CLSTN3: variants seen among roughly 807,000 people sequenced by gnomAD.
The protein encoded by CLSTN3 is calsyntenin-3.
In CLSTN3, 36 loss-of-function variants were observed where a neutral mutation model predicts 95.9. The ratio of observed to expected loss-of-function variants is 0.38; its 90% confidence interval spans 0.29 to 0.50. The LOEUF is 0.50. Among genes scored for constraint, CLSTN3 ranks in the 20% least tolerant of loss-of-function variants. CLSTN3 has a pLI of 0.95. For synonymous variants in CLSTN3, 481 were observed against 504.0 expected (o/e 0.95, Z 0.61); for missense variants, 1,084 against 1,268.8 (o/e 0.85, Z 2.21).
intron 16 of CLSTN3, among the ~76,000 whole-genome samples, chr12:7,154,709 C>A (rs1939787108): frequency 6.6e-6 from 1 of 152,130 alleles, no homozygotes; most frequent in African/African-American, 2.4e-5. Context: ...CCCATGTAAT[C>A]TTTAAAAGTT....
chr12:7,148,164 G>GAA (rs386375513), intron 12 of CLSTN3, among the ~76,000 whole-genome samples: 4 of 59,538 alleles, frequency 6.7e-5, no homozygotes, highest in Non-Finnish European at 1.3e-4. Flanking sequence ...CAAAAAGAAA[G>GAA]AAAGAAAGAA....
intron 10 of CLSTN3, among the ~76,000 whole-genome samples, 177 bp downstream of exon 10, chr12:7,142,316 G>A (rs984912116): frequency 6.6e-6 from 1 of 152,112 alleles, no homozygotes; most frequent in Admixed American, 6.5e-5. Flanking sequence ...GCTAGAGGCA[G>A]CTTGGCTGGG....
intron 8 of CLSTN3, 71 bp downstream of exon 8, chr12:7,138,138 G>A: frequency 8.5e-7 from 1 of 1,179,226 alleles, no homozygotes; most frequent in Non-Finnish European, 1.2e-6. Flanking sequence ...ACCTTCTCTG[G>A]GCAGGGTCAG....
chr12:7,143,274 C>G lies in CLSTN3; in HGVS notation c.1810C>G (p.Pro604Ala). 1 of 1,612,330 alleles carries G rather than the reference C, an allele frequency of 6.2e-7. No individual in the cohort carries two copies. The highest frequency in any genetic ancestry group is 8.5e-7 in the Non-Finnish European group (1 of 1,180,012). Reference protein sequence around the residue: ...AYMNTLRFATPGVRPLRLTTA... With the variant: ...AYMNTLRFATAGVRPLRLTTA... ...CATGAACACTCTGCGCTTTGCCACG[C>G]CCGGCGTCAGGCCCCTGCGCCTCAC... The change falls in exon 12 of 18, where the codon CCC (proline) becomes GCC (alanine). Residue 604 changes from proline to alanine, a missense_variant. Pro to Ala is a conservative substitution (Grantham distance 27). Transcript: ENST00000266546.
chr12:7,137,967 C>G lies in CLSTN3; in HGVS notation c.1223C>G (p.Ser408Cys), dbSNP rs749011347. The stretch of plus-strand genomic sequence containing the variant: ...CCTGTGCCCTCAGAGGACGGCTTCT[C>G]TCACTACTCGCTGACTGTCCACGGC... ...CNTVQNEDGF[S>C]HYSLTVHGCR... Residue 408 changes from serine (S) to cysteine (C), a missense_variant, in exon 8 of 18, where the codon TCT becomes TGT. Transcript: ENST00000266546. This position sits in a 1 kb window ranked among gnomAD's most constrained non-coding sequence, Gnocchi z 4.4. 1 of 1,613,970 alleles carries G rather than the reference C, an allele frequency of 6.2e-7. No individual in the cohort carries two copies. The highest frequency in any genetic ancestry group is 1.7e-5 in the Admixed American group (1 of 60,016).
chr12:7,157,514 C>A lies in CLSTN3; in HGVS notation c.2553C>A (p.Ile851=). Reference sequence around the variant, plus strand: ...TGATACCCAGCGCCGCAACCCTCATCATTGTGGTGTGCGTGGGCTTCCTGG... The same window carrying A: ...TGATACCCAGCGCCGCAACCCTCATAATTGTGGTGTGCGTGGGCTTCCTGG... ...NSMIPSAATL[I]IVVCVGFLVL... Residue 851 remains isoleucine, a synonymous_variant, in exon 17 of 18, where the codon ATC becomes ATA. Coordinates refer to ENST00000266546, the MANE Select transcript of CLSTN3 (RefSeq NM_014718.4). This position sits in a 1 kb window ranked among gnomAD's most constrained non-coding sequence, Gnocchi z 5.9. The A allele has an allele frequency of 6.2e-7, 1 of 1,601,458 alleles. No homozygotes were observed. The highest frequency in any genetic ancestry group is 8.5e-7 in the Non-Finnish European group (1 of 1,173,362).
chr12:7,148,101 A>G (rs930680138), intron 12 of CLSTN3, among the ~76,000 whole-genome samples: 1 of 151,818 alleles, frequency 6.6e-6, no homozygotes, highest in Non-Finnish European at 1.5e-5. Flanking sequence ...GGTTGCAGTG[A>G]GCCAAGATCG....
At position 7,135,360 on chromosome 12, in the gene CLSTN3, C is replaced by T. The variant is rs34933247; in HGVS notation, c.417C>T (p.Asn139=). The change falls in exon 4 of 18, where the codon AAC becomes AAT. Residue 139 remains asparagine (N), a synonymous_variant. Coordinates refer to ENST00000266546, the MANE Select transcript of CLSTN3 (RefSeq NM_014718.4). ...TGCATGTGCGGGTCAACGATGTGAACGAGTTTGCCCCAGTGTTTGTGGAAC... is the reference window on the plus strand; with the variant it reads ...TGCATGTGCGGGTCAACGATGTGAATGAGTTTGCCCCAGTGTTTGTGGAAC... ...ATVHVRVNDV[N]EFAPVFVERL... is the part of the protein sequence containing the mutation. The T allele has an allele frequency of 0.087, 139,630 of 1,613,888 alleles. 7,128 individuals are homozygous for T. The highest frequency in any genetic ancestry group is 0.21 in the South Asian group (18,911 of 91,056).
In CLSTN3 at chr12:7,149,346, A is replaced by C; in HGVS notation, c.2074+148A>C. On this transcript the variant is annotated intron_variant, in intron 13 of 17. Coordinates refer to ENST00000266546, the MANE Select transcript of CLSTN3 (RefSeq NM_014718.4). The surrounding 1 kb of genome is among the most constrained non-coding windows in gnomAD (Gnocchi z 4.5). ...CAACTTACCTTTAAGAAGGAGAGCA[A>C]GTGGAAAACACGTGGGTGGAAATGA... 1.1e-6 allele frequency: 1 copy of C among 913,328 alleles called. No individual in the cohort carries two copies. Among genetic ancestry groups the C allele is most frequent in the Non-Finnish European group, 1.7e-6 (1 of 598,142 alleles). The allele number at this position is 913,328 out of a possible 1,614,324, so 56.6% of individuals were successfully genotyped here.
At position 7,153,738 on chromosome 12, in the gene CLSTN3, T is replaced by A. The variant is rs144223818; in HGVS notation, c.2527+2675T>A. On this transcript the variant is annotated intron_variant, in intron 16 of 17. Transcript: ENST00000266546. ...TGGATACTAGGTCCTGCTACTCTGATTAGGCTCAAGGTAGATAGGGGTGCT... is the reference window on the plus strand; with the variant it reads ...TGGATACTAGGTCCTGCTACTCTGAATAGGCTCAAGGTAGATAGGGGTGCT... Among the ~76,000 whole-genome samples, 52 of 152,330 alleles carry A rather than the reference T, an allele frequency of 3.4e-4. 1 individual carries two copies. Among genetic ancestry groups the A allele is most frequent in the African/African-American group, 1.0e-3 (43 of 41,580 alleles).
intron 16 of CLSTN3, among the ~76,000 whole-genome samples, chr12:7,153,009 G>A (rs944260749): frequency 2.6e-4 from 39 of 152,198 alleles, no homozygotes; most frequent in Non-Finnish European, 8.8e-5. Flanking sequence ...TTTTCTGACT[G>A]AGGCCAGCTC....
chr12:7,151,890 A>C (rs1939729258), intron 16 of CLSTN3, among the ~76,000 whole-genome samples: 1 of 151,946 alleles, frequency 6.6e-6, no homozygotes, highest in South Asian at 2.1e-4. Flanking sequence ...CTGTCTTTAC[A>C]AAAAATAAAA....
rs768971742 is a variant in CLSTN3 at position 7,133,040 on chromosome 12, A to G, written c.81A>G (p.Pro27=). 2 of 1,613,852 alleles carry G rather than the reference A, an allele frequency of 1.2e-6. No homozygotes were observed. The highest frequency in any genetic ancestry group is 1.7e-6 in the Non-Finnish European group (2 of 1,179,882). Reference sequence around the variant, plus strand: ...TGGGGCCAGCCAACAAGCACAAGCCATGGATTGAGGCAGAGTACCAGGGCA... The same window carrying G: ...TGGGGCCAGCCAACAAGCACAAGCCGTGGATTGAGGCAGAGTACCAGGGCA... ...CSCNKANKHK[P]WIEAEYQGIV... The change falls in exon 2 of 18, where the codon CCA becomes CCG. Residue 27 remains proline (P), a synonymous_variant. Transcript: ENST00000266546. The surrounding 1 kb of genome is among the most constrained non-coding windows in gnomAD (Gnocchi z 4.7).
intron 12 of CLSTN3, among the ~76,000 whole-genome samples, chr12:7,148,179 A>G (rs1939657253): frequency 8.4e-6 from 1 of 118,736 alleles, no homozygotes; most frequent in African/African-American, 3.8e-5. Flanking sequence ...AAAGAAAGAA[A>G]GAAAGAAAGA....
rs1385124746 is a variant in CLSTN3 at position 7,149,233 on chromosome 12, G to A, written c.2074+35G>A. 6.6e-7 allele frequency: 1 copy of A among 1,518,582 alleles called. No homozygotes were observed. The highest frequency in any genetic ancestry group is 9.0e-7 in the Non-Finnish European group (1 of 1,111,646). 94.1% of individuals were successfully genotyped at this position (1,518,582 alleles called of 1,614,324 possible). A position where few individuals can be genotyped will look rare whatever the true frequency, so the allele number is the denominator to read the frequency against. ...ACTTCGGGGAGTAACACCATCCAGA[G>A]AACCAGCCAGTGTCTGGAGTCAGAG... On this transcript the variant is annotated intron_variant, in intron 13 of 17. Coordinates refer to ENST00000266546, the MANE Select transcript of CLSTN3 (RefSeq NM_014718.4). This position sits in a 1 kb window ranked among gnomAD's most constrained non-coding sequence, Gnocchi z 4.5.
chr12:7,136,218 G>T lies in CLSTN3; in HGVS notation c.755G>T (p.Arg252Met). 1.2e-6 allele frequency: 2 copies of T among 1,613,982 alleles called. No homozygotes were observed. Among genetic ancestry groups the T allele is most frequent in the East Asian group, 4.5e-5 (2 of 44,884 alleles). Residue 252 changes from arginine to methionine, a missense_variant, in exon 6 of 18, where the codon AGG becomes ATG. By Grantham distance (91) the Arg-to-Met change is moderately conservative. Transcript: ENST00000266546. ...CKPSWQGWNK[R>M]IEYAPGAGSL... The stretch of plus-strand genomic sequence containing the variant: ...CTCACCCATGCAGGCTGGAACAAAA[G>T]GATCGAATATGCACCAGGTGCTGGG...
intron 16 of CLSTN3, among the ~76,000 whole-genome samples, chr12:7,152,058 GAAAA>G: frequency 1.5e-5 from 1 of 67,918 alleles, no homozygotes; most frequent in Middle Eastern, 0.01. Flanking sequence ...TGTCTCAAAG[GAAAA>G]AAAAAAAAAA....
rs772756740 is a variant in CLSTN3, at chr12:7,135,374, T to A, written c.431T>A (p.Val144Glu). The A allele has an allele frequency of 2.5e-6, 4 of 1,614,128 alleles. No individual in the cohort carries two copies. Reference protein sequence around the residue: ...RVNDVNEFAPVFVERLYRAAV... With the variant: ...RVNDVNEFAPEFVERLYRAAV... ...AACGATGTGAACGAGTTTGCCCCAG[T>A]GTTTGTGGAACGGCTGTATCGTGCG... The change falls in exon 4 of 18, where the codon GTG becomes GAG. Residue 144 changes from valine to glutamate, a missense_variant. Coordinates refer to ENST00000266546, the MANE Select transcript of CLSTN3 (RefSeq NM_014718.4).
At chr12:7,154,884 C>A (rs754741725) in intron 16 of CLSTN3, among the ~76,000 whole-genome samples, 1 of 152,146 alleles carries the variant, frequency 6.6e-6, no homozygotes, top group African/African-American at 2.4e-5. Flanking sequence ...TCATAACATG[C>A]GTACTATGAG....
Sources: allele counts gnomAD v4.1 joint callset (sites outside exome capture counted in the v4.1 genomes callset), GRCh38; gene constraint gnomAD v4.1.1; non-coding constraint Gnocchi (gnomAD v3.1); transcripts MANE v1.5; gene names NCBI Gene and HGNC (gene_info 2026-07-23, HGNC 2026-07-21).